Variants in NUP50 observed in about 807,000 individuals in gnomAD.
NUP50 encodes nucleoporin 50.
A neutral mutation model predicts 36.8 loss-of-function variants in NUP50; 14 were observed. The ratio of observed to expected loss-of-function variants is 0.38; its 90% confidence interval spans 0.25 to 0.59. NUP50 has a LOEUF of 0.59. Ranked by LOEUF, NUP50 falls within the 20% of genes least tolerant of loss-of-function variation. NUP50 has a pLI of 0.63. For synonymous variants in NUP50, 195 were observed against 210.8 expected (o/e 0.93, Z 0.65); for missense variants, 455 against 564.6 (o/e 0.81, Z 1.97).
chr22:45,178,693 G>A lies in NUP50; in HGVS notation c.796G>A (p.Ala266Thr). 1.2e-6 allele frequency: 2 copies of A among 1,612,308 alleles called. No homozygotes were observed. The highest frequency in any genetic ancestry group is 1.7e-6 in the Non-Finnish European group (2 of 1,179,852). The change falls in exon 5 of 8, where the codon GCG becomes ACG. Residue 266 changes from alanine to threonine, a missense_variant. By Grantham distance (58) the Ala-to-Thr change is moderately conservative. Around this residue, in one of 3 missense-constraint regions of NUP50, gnomAD observed 287 missense variants for 345.5 expected, o/e 0.83. Transcript: ENST00000347635. ...GAAAACGGACCCATCATCACTAGGA[G>A]CGACAAGTGCCTCATTTAATTTCGG... ...EKKTDPSSLG[A>T]TSASFNFGKK...
At chr22:45,184,322 G>C in intron 7 of NUP50, 131 bp from the exon 8 acceptor site, 1 of 812,732 alleles carries the variant, frequency 1.2e-6, no homozygotes, top group Non-Finnish European at 2.0e-6. Context: ...TCCTGATTTT[G>C]TGCTGTCCTG....
chr22:45,165,820 C>T (rs1407711386), intron 1 of NUP50: 2 of 152,206 alleles, frequency 1.3e-5, no homozygotes, highest in Non-Finnish European at 2.9e-5. Flanking sequence ...TGTTCTAAGC[C>T]AGTCTTTGTT....
chr22:45,170,909 G>A (rs1242972127), intron 2 of NUP50: 9 of 1,102,700 alleles, frequency 8.2e-6, no homozygotes, highest in Middle Eastern at 2.3e-4. Context: ...GAGTGTAGGA[G>A]CCCGTTAAGT....
In NUP50 at chr22:45,186,594, T is replaced by A. The variant is rs962308948; in HGVS notation, c.*1939T>A. 6.6e-6 allele frequency: 1 copy of A among 152,664 alleles called. No homozygotes were observed. The highest frequency in any genetic ancestry group is 2.4e-5 in the African/African-American group (1 of 41,466). The allele number at this position is 152,664 out of a possible 1,614,324, so 9.5% of individuals were successfully genotyped here. On this transcript the variant is annotated 3_prime_UTR_variant, in exon 8 of 8. Transcript: ENST00000347635. ...TATGGAAAGTTGACAAAAAATGGCATGAAAAGATCATGATTGGATTTTCTT... is the reference window on the plus strand; with the variant it reads ...TATGGAAAGTTGACAAAAAATGGCAAGAAAAGATCATGATTGGATTTTCTT...
chr22:45,170,203 GCACGCCCAGC>G (rs1480187902), intron 2 of NUP50, among the ~76,000 whole-genome samples: 1 of 151,468 alleles, frequency 6.6e-6, no homozygotes, highest in Non-Finnish European at 1.5e-5. Flanking sequence ...ATAAATATCA[GCACGCCCAGC>G]CATTCAGGGC....
chr22:45,166,804 A>G (rs2074102151), intron 1 of NUP50, among the ~76,000 whole-genome samples: 1 of 152,168 alleles, frequency 6.6e-6, no homozygotes, highest in South Asian at 2.1e-4. Flanking sequence ...TTGGGTGGAC[A>G]TTAAAAAGAG....
rs777952476 is a variant in NUP50, at chr22:45,184,590, C to A, written c.1342C>A (p.Arg448=). ...CACCATGCCAGTCACCATGTTGATT[C>A]GGGTAAAAACCAGCGAGGATGCAGA... ...NATMPVTMLI[R]VKTSEDADEL... is the part of the protein sequence containing the mutation. Residue 448 remains arginine (R), a synonymous_variant, in exon 8 of 8, where the codon CGG becomes AGG. Transcript: ENST00000347635. 6.2e-7 allele frequency: 1 copy of A among 1,612,466 alleles called. No individual in the cohort carries two copies. The highest frequency in any genetic ancestry group is 1.1e-5 in the South Asian group (1 of 91,024).
intron 5 of NUP50, chr22:45,180,116 TGGG>T: frequency 6.6e-6 from 1 of 152,256 alleles, no homozygotes. Context: ...ATAAAACAAA[TGGG>T]GAGTCTTTCC....
chr22:45,183,063 G>GC (rs1235625988), intron 6 of NUP50, among the ~76,000 whole-genome samples: 1 of 123,820 alleles, frequency 8.1e-6, no homozygotes, highest in East Asian at 2.7e-4. Flanking sequence ...GGCCAAAGGA[G>GC]CAGAATGGCA....
At chr22:45,176,232 G>A (rs556471666) in intron 4 of NUP50, 152 bp downstream of exon 4, 20 of 828,962 alleles carry the variant, frequency 2.4e-5, no homozygotes, top group East Asian at 5.4e-5. Flanking sequence ...GGGAGGTGTC[G>A]GTTACTTACA....
rs1245433509 is a variant in NUP50 at position 45,178,362 on chromosome 22, C to G, written c.465C>G (p.Ala155=). 16 of 1,613,874 alleles carry G rather than the reference C, an allele frequency of 9.9e-6. No homozygotes were observed. Among genetic ancestry groups the G allele is most frequent in the African/African-American group, 1.3e-5 (1 of 74,938 alleles). The change falls in exon 5 of 8, where the codon GCC becomes GCG. Residue 155 remains alanine, a synonymous_variant. Transcript: ENST00000347635. ...CCAGTAAAGCTTGTGTCGGAAATGC[C>G]TATCACAAGCAGTTGGCCGCCTTGA... The part of the protein sequence containing the change: ...LASSKACVGN[A]YHKQLAALNC...
intron 4 of NUP50, among the ~76,000 whole-genome samples, chr22:45,176,329 C>T (rs1440769345): frequency 6.6e-6 from 1 of 152,168 alleles, no homozygotes; most frequent in South Asian, 2.1e-4. Context: ...GTGACCCTGG[C>T]CTCTAGGCCT....
chr22:45,175,809 T>G, intron 3 of NUP50, 85 bp from the exon 4 acceptor site: 1 of 1,376,530 alleles, frequency 7.3e-7, no homozygotes, highest in East Asian at 2.3e-5. Flanking sequence ...TAGGTGCTGT[T>G]TAGCCAAGAT....
In NUP50 at chr22:45,185,198, T is replaced by TAA. The variant is rs1303631647; in HGVS notation, c.*544_*545dup. 1 of 162,480 alleles carries TAA rather than the reference T, an allele frequency of 6.2e-6. No homozygotes were observed. The highest frequency in any genetic ancestry group is 1.4e-5 in the Non-Finnish European group (1 of 73,658). 10.1% of individuals were successfully genotyped at this position (162,480 alleles called of 1,614,324 possible). A position where few individuals can be genotyped will look rare whatever the true frequency, so the allele number is the denominator to read the frequency against. The stretch of plus-strand genomic sequence containing the variant: ...TACTTTGAAGCTCAAATGCGAGTAC[T>TAA]AAGTGTTCACCTCAGCGTTCGAATC... On this transcript the variant is annotated 3_prime_UTR_variant, in exon 8 of 8. Transcript: ENST00000347635.
rs138070780 is a variant in NUP50 at position 45,167,679 on chromosome 22, G to A, written c.-10-489G>A. Among the ~76,000 whole-genome samples the A allele has an allele frequency of 6.4e-3, 978 of 152,256 alleles. 7 individuals carry two copies. Among genetic ancestry groups the A allele is most frequent in the South Asian group, 0.015 (73 of 4,818 alleles). ...GCTTAAAGAACAGTATTCGTGTTGTGGAGGCGTTTCCAGCCCGTTATTCGT... is the reference window on the plus strand; with the variant it reads ...GCTTAAAGAACAGTATTCGTGTTGTAGAGGCGTTTCCAGCCCGTTATTCGT... On this transcript the variant is annotated intron_variant, in intron 1 of 7. Coordinates refer to ENST00000347635, the MANE Select transcript of NUP50 (RefSeq NM_007172.4).
At chr22:45,168,106 A>G in intron 1 of NUP50, 62 bp from the exon 2 acceptor site, 1 of 1,285,394 alleles carries the variant, frequency 7.8e-7, no homozygotes, top group Non-Finnish European at 1.1e-6. Context: ...GTGAATTTTT[A>G]AAATTCTTTA....
intron 1 of NUP50, among the ~76,000 whole-genome samples, chr22:45,167,723 A>G (rs1386267475): frequency 1.3e-5 from 2 of 152,220 alleles, no homozygotes; most frequent in South Asian, 2.1e-4. Context: ...TGAAAGATAC[A>G]CTTCTTTAAT....
intron 4 of NUP50, among the ~76,000 whole-genome samples, chr22:45,176,351 A>G (rs2074276718): frequency 6.6e-6 from 1 of 152,296 alleles, no homozygotes; most frequent in South Asian, 2.1e-4. Context: ...AGAATGTTCA[A>G]TTTTGAAAGG....
intron 1 of NUP50, among the ~76,000 whole-genome samples, chr22:45,166,692 C>T (rs1437125275): frequency 2.0e-5 from 3 of 149,604 alleles, no homozygotes; most frequent in South Asian, 4.2e-4. Flanking sequence ...AAAAAGAATC[C>T]GTACAGAGAC....
Sources: allele counts gnomAD v4.1 joint callset (sites outside exome capture counted in the v4.1 genomes callset), GRCh38; gene constraint gnomAD v4.1.1; regional missense constraint gnomAD v4.1.1; transcripts MANE v1.5; gene names NCBI Gene and HGNC (gene_info 2026-07-23, HGNC 2026-07-21).